Variants in TMEM150C observed in about 807,000 individuals in gnomAD.
TMEM150C encodes transmembrane protein 150C.
In TMEM150C, 10 loss-of-function variants were observed where a neutral mutation model predicts 29.9. That is an observed-to-expected ratio of 0.33 (90% confidence interval 0.21 to 0.57). TMEM150C has a LOEUF of 0.57. Ranked by LOEUF, TMEM150C falls within the 20% of genes least tolerant of loss-of-function variation. The pLI, the probability that TMEM150C is intolerant of heterozygous loss-of-function variation, is 0.88. For missense variants in TMEM150C, 251 were observed against 303.6 expected, an observed-to-expected ratio of 0.83 and a Z score of 1.29; for synonymous variants, 101 against 112.5, an observed-to-expected ratio of 0.90 and a Z score of 0.64.
chr4:82,562,176 C>T, upstream of TMEM150C: 1 of 1,281,966 alleles, frequency 7.8e-7, no homozygotes, highest in Non-Finnish European at 1.0e-6. Context: ...GGGCAGGAGC[C>T]GGGTGTGGGC....
At chr4:82,523,075 T>A (rs1203421884) in intron 1 of TMEM150C, among the ~76,000 whole-genome samples, 1 of 152,118 alleles carries the variant, frequency 6.6e-6, no homozygotes, top group Non-Finnish European at 1.5e-5. Context: ...TGATACAGCT[T>A]TGATGAGTGG....
chr4:82,511,811 C>T (rs765756562), intron 1 of TMEM150C, among the ~76,000 whole-genome samples: 1 of 152,216 alleles, frequency 6.6e-6, no homozygotes, highest in Non-Finnish European at 1.5e-5. Flanking sequence ...GAATTCCCTT[C>T]TACCAGCACT....
At position 82,512,308 on chromosome 4, in the gene TMEM150C, C is replaced by T. The variant is rs557896187; in HGVS notation, c.-10-7641G>A. The stretch of plus-strand genomic sequence containing the variant: ...AACATACTGAGAATGGCAGATTAGA[C>T]GGTGGGAAGAACTGAATCCTTGATA... On this transcript the variant is annotated intron_variant, in intron 1 of 7. Coordinates refer to ENST00000449862, the MANE Select transcript of TMEM150C (RefSeq NM_001080506.3). Among the ~76,000 whole-genome samples, 19 of 152,280 alleles carry T rather than the reference C, an allele frequency of 1.2e-4. No individual in the cohort carries two copies. The East Asian group carries it at 1.9e-3, about 15-fold the overall frequency.
chr4:82,495,822 A>C, intron 6 of TMEM150C: 2 of 492,074 alleles, frequency 4.1e-6, no homozygotes, highest in African/African-American at 1.9e-5. Context: ...AAAAAGTACG[A>C]AGTTTGCGTT....
At chr4:82,516,084 G>C (rs1724287103) in intron 1 of TMEM150C, among the ~76,000 whole-genome samples, 1 of 152,112 alleles carries the variant, frequency 6.6e-6, no homozygotes. Flanking sequence ...GCAAACCAGA[G>C]CACAACAAGA....
At chr4:82,495,738 G>T in intron 6 of TMEM150C, 1 of 330,924 alleles carries the variant, frequency 3.0e-6, no homozygotes. Context: ...TCCCACCACT[G>T]ATTCGGACCA....
At chr4:82,516,125 C>G (rs949823357) in intron 1 of TMEM150C, among the ~76,000 whole-genome samples, 2 of 152,172 alleles carry the variant, frequency 1.3e-5, no homozygotes, top group African/African-American at 4.8e-5. Flanking sequence ...AGAGGACAGA[C>G]AGGCCCAGAA....
At chr4:82,499,531 G>A (rs1205359326) in intron 5 of TMEM150C, among the ~76,000 whole-genome samples, 1 of 151,974 alleles carries the variant, frequency 6.6e-6, no homozygotes, top group Admixed American at 6.5e-5. Context: ...TGACCAGCCT[G>A]ACCAACATGG....
In TMEM150C at chr4:82,510,776, G is replaced by C. The variant is rs554702732; in HGVS notation, c.-10-6109C>G. ...TTCATTCTGCTCTCAGGGCCAACTG[G>C]AATGAAGCAGAAATGATGAACGAGT... is the stretch of plus-strand genomic sequence containing the variant. On this transcript the variant is annotated intron_variant, in intron 1 of 7. Transcript: ENST00000449862. Among the ~76,000 whole-genome samples the C allele has an allele frequency of 4.1e-4, 62 of 152,246 alleles. 1 individual carries two copies. Among genetic ancestry groups the C allele is most frequent in the South Asian group, 2.5e-3 (12 of 4,814 alleles).
In TMEM150C at chr4:82,485,703, G is replaced by A; in HGVS notation, c.558C>T (p.Ala186=). 6.2e-7 allele frequency: 1 copy of A among 1,606,940 alleles called. No homozygotes were observed. The highest frequency in any genetic ancestry group is 8.5e-7 in the Non-Finnish European group (1 of 1,177,004). ...LCVVLYFILM[A]QSIHMYAARV... ...TGGCTGCATACATGTGGATGCTTTG[G>A]GCCATGAGGATGAAGTCTGGGGAGA... Residue 186 remains alanine (A), a synonymous_variant, in exon 8 of 8, where the codon GCC becomes GCT. Coordinates refer to ENST00000449862, the MANE Select transcript of TMEM150C (RefSeq NM_001080506.3).
Position 82,496,193 on chromosome 4 carries a change from G to C in TMEM150C, c.238C>G (p.Leu80Val). The stretch of plus-strand genomic sequence containing the variant: ...ATGAAGCGCAGAACAGCTACCACAA[G>C]GGCTAGGAATAAAGCAAAGTCTTAA... ...QVMNMAAFLA[L>V]VVAVLRFIQL... Residue 80 changes from leucine to valine, a missense_variant and splice_region_variant, in exon 6 of 8, where the codon CTT becomes GTT. Transcript: ENST00000449862. 1 of 1,613,668 alleles carries C rather than the reference G, an allele frequency of 6.2e-7. No individual in the cohort carries two copies.
intron 1 of TMEM150C, among the ~76,000 whole-genome samples, 157 bp downstream of exon 1, chr4:82,561,749 G>A (rs1358434951): frequency 2.7e-5 from 4 of 147,100 alleles, no homozygotes; most frequent in Non-Finnish European, 4.5e-5. Flanking sequence ...GGGGGCCGCA[G>A]CCGAGCAGGG....
At chr4:82,562,146 G>T, upstream of TMEM150C, 1 of 1,272,392 alleles carries the variant, frequency 7.9e-7, no homozygotes, top group South Asian at 1.3e-5. Flanking sequence ...CACCCCCCCG[G>T]GGCCCCTAAT....
intron 1 of TMEM150C, among the ~76,000 whole-genome samples, chr4:82,517,828 CT>C (rs1340893761): frequency 6.6e-6 from 1 of 152,218 alleles, no homozygotes; most frequent in East Asian, 1.9e-4. Flanking sequence ...TCTTCTATAT[CT>C]CTATATATCC....
At chr4:82,496,603 C>A (rs1723565739) in intron 5 of TMEM150C, among the ~76,000 whole-genome samples, 1 of 152,140 alleles carries the variant, frequency 6.6e-6, no homozygotes, top group Non-Finnish European at 1.5e-5. Flanking sequence ...ACTGCAGAGG[C>A]TTGGCACACA....
At chr4:82,488,949 G>A (rs1442256957) in intron 7 of TMEM150C, among the ~76,000 whole-genome samples, 1 of 151,906 alleles carries the variant, frequency 6.6e-6, no homozygotes, top group Non-Finnish European at 1.5e-5. Context: ...GTTAGAGACA[G>A]AGTCGATCTT....
At chr4:82,549,907 G>T in intron 1 of TMEM150C, among the ~76,000 whole-genome samples, 1 of 152,284 alleles carries the variant, frequency 6.6e-6, no homozygotes, top group Middle Eastern at 3.4e-3. Flanking sequence ...CAGAAGAGAG[G>T]AATATAATAA....
At chr4:82,501,646 T>C (rs1723740567) in intron 5 of TMEM150C, among the ~76,000 whole-genome samples, 1 of 152,200 alleles carries the variant, frequency 6.6e-6, no homozygotes, top group African/African-American at 2.4e-5. Context: ...ACATTCTCCA[T>C]GTTTCTCATG....
chr4:82,491,667 T>A (rs549107989), intron 6 of TMEM150C: 26 of 497,098 alleles, frequency 5.2e-5, no homozygotes, highest in Admixed American at 4.4e-4. Context: ...GCTAATTTTT[T>A]ATTTTTTTTA....
Sources: allele counts gnomAD v4.1 joint callset (sites outside exome capture counted in the v4.1 genomes callset), GRCh38; gene constraint gnomAD v4.1.1; transcripts MANE v1.5; gene names NCBI Gene and HGNC (gene_info 2026-07-23, HGNC 2026-07-21).